ARHGAP42: variants seen among roughly 807,000 people sequenced by gnomAD.
ARHGAP42 encodes rho GTPase-activating protein 42.
A neutral mutation model predicts 125.0 loss-of-function variants in ARHGAP42; 63 were observed. That is an observed-to-expected ratio of 0.50 (90% CI 0.41 to 0.62). ARHGAP42 has a LOEUF of 0.62. Ranked by LOEUF, ARHGAP42 falls within the 20% of genes least tolerant of loss-of-function variation. The pLI, the probability that ARHGAP42 is intolerant of heterozygous loss-of-function variation, is 0.00. For synonymous variants in ARHGAP42, 339 were observed against 351.0 expected (o/e 0.97, Z 0.38); for missense variants, 766 against 1,024.2 (o/e 0.75, Z 3.44).
chr11:100,860,672 A>G (rs1424644504), intron 4 of ARHGAP42, among the ~76,000 whole-genome samples: 6 of 151,964 alleles, frequency 3.9e-5, no homozygotes, highest in Non-Finnish European at 8.8e-5. Context: ...CACCAGAAAC[A>G]ACCCTTCCTT....
At chr11:100,927,206 A>G (rs1040915418) in intron 6 of ARHGAP42, among the ~76,000 whole-genome samples, 1 of 152,302 alleles carries the variant, frequency 6.6e-6, no homozygotes, top group South Asian at 2.1e-4. Flanking sequence ...TTGAAATGCT[A>G]CTGGCTAAGT....
At chr11:100,725,924 G>A (rs1170171313) in intron 1 of ARHGAP42, among the ~76,000 whole-genome samples, 3 of 121,452 alleles carry the variant, frequency 2.5e-5, no homozygotes, top group African/African-American at 1.0e-4. Flanking sequence ...GACAGAGTGA[G>A]ACTCCGTCTC....
chr11:100,779,370 G>A (rs1157309167), intron 2 of ARHGAP42, among the ~76,000 whole-genome samples: 2 of 149,058 alleles, frequency 1.3e-5, no homozygotes, highest in African/African-American at 4.9e-5. Flanking sequence ...GCTTGAACCT[G>A]GGAGGCAGAC....
intron 4 of ARHGAP42, among the ~76,000 whole-genome samples, chr11:100,908,617 T>C (rs1866821033): frequency 6.6e-6 from 1 of 152,348 alleles, no homozygotes; most frequent in East Asian, 1.9e-4. Context: ...GGTGTATATA[T>C]ATCACATTTA....
chr11:100,823,062 C>T (rs1428276463), intron 3 of ARHGAP42, among the ~76,000 whole-genome samples: 2 of 152,100 alleles, frequency 1.3e-5, no homozygotes, highest in Non-Finnish European at 2.9e-5. Context: ...AATTTTCCCA[C>T]TTTTTCAGTC....
Position 100,973,172 on chromosome 11 carries a change from C to A in ARHGAP42, c.1551-3C>A. On this transcript the variant is annotated splice_region_variant and splice_polypyrimidine_tract_variant and intron_variant, in intron 17 of 23. Coordinates refer to ENST00000298815, the MANE Select transcript of ARHGAP42 (RefSeq NM_152432.4). The stretch of plus-strand genomic sequence containing the variant: ...AGATATTTTTGTTGCTTTTTATTTG[C>A]AGAGTATCACTACACAGCCAACAAA... 1 of 1,500,372 alleles carries A rather than the reference C, an allele frequency of 6.7e-7. No individual in the cohort carries two copies. The highest frequency in any genetic ancestry group is 1.3e-5 in the South Asian group (1 of 74,858). 92.9% of individuals were successfully genotyped at this position (1,500,372 alleles called of 1,614,324 possible). A position where few individuals can be genotyped will look rare whatever the true frequency, so the allele number is the denominator to read the frequency against.
At chr11:100,987,477 G>A in intron 22 of ARHGAP42, 36 bp from the exon 23 acceptor site, 1 of 1,495,474 alleles carries the variant, frequency 6.7e-7, no homozygotes, top group South Asian at 1.2e-5. Context: ...CTTAGGTTGA[G>A]TGTTGAGGTT....
chr11:100,807,220 A>T (rs372156524), intron 3 of ARHGAP42, among the ~76,000 whole-genome samples: 1 of 147,688 alleles, frequency 6.8e-6, no homozygotes, highest in East Asian at 2.0e-4. Context: ...TTTGAGACAG[A>T]CTTTTGCTCT....
chr11:100,819,995 C>T (rs1472366525), intron 3 of ARHGAP42, among the ~76,000 whole-genome samples: 1 of 152,074 alleles, frequency 6.6e-6, no homozygotes, highest in African/African-American at 2.4e-5. Flanking sequence ...CTCAAATTTT[C>T]ATTTGATAAT....
chr11:100,848,916 T>C (rs1865135543), intron 3 of ARHGAP42, among the ~76,000 whole-genome samples: 1 of 152,212 alleles, frequency 6.6e-6, no homozygotes, highest in Non-Finnish European at 1.5e-5. Context: ...TATTATCTGA[T>C]TGTACGCATC....
intron 1 of ARHGAP42, among the ~76,000 whole-genome samples, chr11:100,688,628 C>T (rs1861131767): frequency 6.6e-6 from 1 of 152,210 alleles, no homozygotes; most frequent in African/African-American, 2.4e-5. Context: ...CTAAGAGTAT[C>T]TGAAACTGAA....
intron 4 of ARHGAP42, among the ~76,000 whole-genome samples, chr11:100,886,135 A>T (rs1866087440): frequency 1.3e-5 from 2 of 152,234 alleles, no homozygotes; most frequent in Non-Finnish European, 2.9e-5. Flanking sequence ...ACATCAGAGG[A>T]TGCAGTTCAT....
chr11:100,929,357 A>T (rs1867513790), intron 6 of ARHGAP42, among the ~76,000 whole-genome samples: 1 of 152,112 alleles, frequency 6.6e-6, no homozygotes, highest in African/African-American at 2.4e-5. Context: ...AATGACCTTT[A>T]CTGGCCTGCA....
chr11:100,959,194 T>C lies in ARHGAP42; in HGVS notation c.1163-689T>C, dbSNP rs574207752. On this transcript the variant is annotated intron_variant, in intron 12 of 23. Transcript: ENST00000298815. ...TTCTCTTTAAATAAGTAATTTAATTTGACCTCGCCCCAAAACCCTTTAAAA... is the reference window on the plus strand; with the variant it reads ...TTCTCTTTAAATAAGTAATTTAATTCGACCTCGCCCCAAAACCCTTTAAAA... 5.9e-5 allele frequency among the ~76,000 whole-genome samples: 9 copies of C among 152,204 alleles called. No homozygotes were observed. In the East Asian group the frequency reaches 1.2e-3, roughly 20 times the overall value.
chr11:100,690,721 C>G (rs1188022257), intron 1 of ARHGAP42, among the ~76,000 whole-genome samples: 1 of 152,076 alleles, frequency 6.6e-6, no homozygotes, highest in Admixed American at 6.5e-5. Context: ...CTCAGCCTCC[C>G]AAGTAGCTGG....
intron 1 of ARHGAP42, among the ~76,000 whole-genome samples, chr11:100,751,131 G>T (rs1048527113): frequency 6.6e-6 from 1 of 151,660 alleles, no homozygotes; most frequent in Non-Finnish European, 1.5e-5. Flanking sequence ...TAGAGATGGG[G>T]TTTTACCATG....
At chr11:100,848,809 T>G (rs1865133270) in intron 3 of ARHGAP42, among the ~76,000 whole-genome samples, 1 of 152,182 alleles carries the variant, frequency 6.6e-6, no homozygotes, top group Admixed American at 6.6e-5. Context: ...AGATATCTCT[T>G]AATTTTTTAG....
At chr11:100,875,761 C>CGGGGG (rs66825732) in intron 4 of ARHGAP42, among the ~76,000 whole-genome samples, 1 of 151,684 alleles carries the variant, frequency 6.6e-6, no homozygotes, top group Non-Finnish European at 1.5e-5. Context: ...TCCAGGGTGG[C>CGGGGG]GGGGGGTGAC....
chr11:100,770,936 T>G (rs1263708810), intron 2 of ARHGAP42, among the ~76,000 whole-genome samples: 1 of 152,010 alleles, frequency 6.6e-6, no homozygotes, highest in African/African-American at 2.4e-5. Context: ...TTGTTTGTTG[T>G]TTCCATAAGG....
Sources: gnomAD v4.1 joint callset for allele counts (sites outside exome capture counted in the v4.1 genomes callset) on GRCh38, gnomAD v4.1.1 for gene constraint, MANE v1.5 for transcripts, NCBI Gene and HGNC (gene_info 2026-07-23, HGNC 2026-07-21) for gene names.